NR6A1: variants seen among roughly 807,000 people sequenced by gnomAD.
NR6A1 encodes retinoic acid receptor-related testis-associated receptor.
In NR6A1, 7 loss-of-function variants were observed where a neutral mutation model predicts 59.1. The observed-to-expected ratio is 0.12, with a 90% CI of 0.07 to 0.22. The LOEUF is 0.22. NR6A1 is among the 10% of genes least tolerant of loss of function. NR6A1 has a pLI of 1.00. For synonymous variants in NR6A1, 243 were observed against 236.1 expected (o/e 1.03, Z -0.27); for missense variants, 468 against 611.6 (o/e 0.77, Z 2.48).
In NR6A1 at chr9:124,712,164, T is replaced by TG. The variant is rs748644713; in HGVS notation, c.142+21143dup. On this transcript the variant is annotated intron_variant, in intron 2 of 9. Coordinates refer to ENST00000487099, the MANE Select transcript of NR6A1 (RefSeq NM_033334.4). ...TGTGCTTCCAGAATAGACCACTAGA[T>TG]GGAGACTTAAAAACTGAAGGAGGAG... Among the ~76,000 whole-genome samples, 9 of 152,228 alleles carry TG rather than the reference T, an allele frequency of 5.9e-5. No homozygotes were observed. The East Asian group carries it at 7.7e-4, about 13-fold the overall frequency.
intron 2 of NR6A1, among the ~76,000 whole-genome samples, chr9:124,709,828 G>C (rs1300040744): frequency 6.6e-6 from 1 of 151,772 alleles, no homozygotes; most frequent in African/African-American, 2.4e-5. Flanking sequence ...CCAGCTACTC[G>C]GGAGGCTGAG....
intron 2 of NR6A1, among the ~76,000 whole-genome samples, chr9:124,571,945 C>T (rs1012466647): frequency 6.6e-6 from 1 of 151,656 alleles, no homozygotes; most frequent in Admixed American, 6.6e-5. Context: ...TTGACTATGA[C>T]AGACCTTAAT....
At chr9:124,685,203 A>C (rs1297248121) in intron 2 of NR6A1, among the ~76,000 whole-genome samples, 1 of 152,228 alleles carries the variant, frequency 6.6e-6, no homozygotes, top group African/African-American at 2.4e-5. Flanking sequence ...ACTGCACCAG[A>C]ATAATATGAA....
At chr9:124,647,525 C>T (rs1336336651) in intron 2 of NR6A1, among the ~76,000 whole-genome samples, 1 of 151,750 alleles carries the variant, frequency 6.6e-6, no homozygotes, top group Non-Finnish European at 1.5e-5. Context: ...GTCAGGAGTT[C>T]GAGACCAGCC....
At chr9:124,544,373 C>G (rs915103963) in intron 3 of NR6A1, among the ~76,000 whole-genome samples, 1 of 152,158 alleles carries the variant, frequency 6.6e-6, no homozygotes, top group African/African-American at 2.4e-5. Flanking sequence ...AAGGAACTTA[C>G]CTAGCATTTA....
intron 2 of NR6A1, among the ~76,000 whole-genome samples, chr9:124,572,345 C>T (rs1834460817): frequency 6.6e-6 from 1 of 152,192 alleles, no homozygotes; most frequent in African/African-American, 2.4e-5. Flanking sequence ...GGCAATCATA[C>T]TAATCTTGTC....
chr9:124,564,612 T>C (rs1156557904), intron 2 of NR6A1, among the ~76,000 whole-genome samples: 1 of 152,108 alleles, frequency 6.6e-6, no homozygotes, highest in African/African-American at 2.4e-5. Context: ...TATATGACGC[T>C]CATGGATTGG....
chr9:124,675,107 G>A (rs1158077575), intron 2 of NR6A1, among the ~76,000 whole-genome samples: 3 of 152,040 alleles, frequency 2.0e-5, no homozygotes, highest in African/African-American at 7.2e-5. Flanking sequence ...TTCATCCCTG[G>A]GCAAGTCAGA....
intron 7 of NR6A1, among the ~76,000 whole-genome samples, chr9:124,528,974 G>C (rs1357606522): frequency 6.6e-6 from 1 of 152,184 alleles, no homozygotes. Context: ...TGGGGGTCCT[G>C]GAAGCAATCC....
chr9:124,543,196 A>G (rs1289639337), intron 4 of NR6A1, among the ~76,000 whole-genome samples: 1 of 152,116 alleles, frequency 6.6e-6, no homozygotes, highest in Non-Finnish European at 1.5e-5. Flanking sequence ...TATTTTCTTG[A>G]GTGTCTCTAG....
chr9:124,676,923 CCTTTA>C (rs1473569795), intron 2 of NR6A1, among the ~76,000 whole-genome samples: 1 of 152,116 alleles, frequency 6.6e-6, no homozygotes. Flanking sequence ...TAAGTGGTTA[CCTTTA>C]CTTCACTCAT....
At chr9:124,707,801 C>T (rs1006368647) in intron 2 of NR6A1, among the ~76,000 whole-genome samples, 2 of 152,150 alleles carry the variant, frequency 1.3e-5, no homozygotes, top group African/African-American at 4.8e-5. Flanking sequence ...GGAGATACCC[C>T]TCTAACTGTA....
At chr9:124,696,055 G>A (rs1838747008) in intron 2 of NR6A1, among the ~76,000 whole-genome samples, 1 of 152,184 alleles carries the variant, frequency 6.6e-6, no homozygotes, top group African/African-American at 2.4e-5. Flanking sequence ...TACATGGCAT[G>A]TATAGGGGAC....
At chr9:124,576,820 G>A (rs1184925510) in intron 2 of NR6A1, among the ~76,000 whole-genome samples, 3 of 152,156 alleles carry the variant, frequency 2.0e-5, no homozygotes, top group African/African-American at 7.2e-5. Context: ...GATTAGGGAG[G>A]CCAAGACAGG....
intron 2 of NR6A1, among the ~76,000 whole-genome samples, chr9:124,565,870 A>T (rs1025528059): frequency 6.6e-6 from 1 of 152,222 alleles, no homozygotes; most frequent in African/African-American, 2.4e-5. Context: ...TGTTGGTAGG[A>T]CTGTTTGTTT....
intron 2 of NR6A1, among the ~76,000 whole-genome samples, chr9:124,633,988 GT>G (rs1333623993): frequency 2.0e-5 from 3 of 152,190 alleles, no homozygotes; most frequent in African/African-American, 7.2e-5. Context: ...GATTCAGAAT[GT>G]TTTTGGAATA....
intron 2 of NR6A1, chr9:124,692,561 C>T (rs754251836): frequency 4.0e-6 from 2 of 498,374 alleles, no homozygotes. Flanking sequence ...ACAGACGACA[C>T]TACATTTCCT....
intron 2 of NR6A1, among the ~76,000 whole-genome samples, chr9:124,587,283 C>G (rs1203433679): frequency 1.3e-5 from 2 of 152,106 alleles, no homozygotes; most frequent in East Asian, 3.8e-4. Context: ...ACTGAGAAAC[C>G]AAAAAATTCG....
At chr9:124,590,456 C>CTT (rs1381878121) in intron 2 of NR6A1, among the ~76,000 whole-genome samples, 1 of 152,134 alleles carries the variant, frequency 6.6e-6, no homozygotes, top group Non-Finnish European at 1.5e-5. Context: ...AAAAGCTCCA[C>CTT]TTTTTAAGTG....
Sources: gnomAD v4.1 joint callset for allele counts (sites outside exome capture counted in the v4.1 genomes callset) on GRCh38, gnomAD v4.1.1 for gene constraint, MANE v1.5 for transcripts, NCBI Gene and HGNC (gene_info 2026-07-23, HGNC 2026-07-21) for gene names.